NR5A2: variants seen among roughly 807,000 people sequenced by gnomAD.
NR5A2 encodes CYP7A promoter-binding factor.
A neutral mutation model predicts 62.7 loss-of-function variants in NR5A2; 26 were observed. The ratio of observed to expected loss-of-function variants is 0.41; its 90% CI spans 0.30 to 0.58. The LOEUF (loss-of-function observed/expected upper bound fraction) is 0.58. Ranked by LOEUF, NR5A2 falls within the 20% of genes least tolerant of loss-of-function variation. The pLI is 0.22. For synonymous variants in NR5A2, 246 were observed against 241.7 expected (o/e 1.02, Z -0.16); for missense variants, 541 against 669.1 (o/e 0.81, Z 2.11).
Position 200,048,741 on chromosome 1 carries a change from A to G in NR5A2, c.1033A>G (p.Met345Val), listed in dbSNP as rs748799801. 3.7e-6 allele frequency: 6 copies of G among 1,614,108 alleles called. No individual in the cohort carries two copies. The East Asian group carries it at 1.1e-4, about 30-fold the overall frequency. The change falls in exon 5 of 8, where the codon ATG becomes GTG. Residue 345 changes from methionine to valine, a missense_variant. By Grantham distance (21) the Met-to-Val change is conservative. Coordinates refer to ENST00000367362, the MANE Select transcript of NR5A2 (RefSeq NM_205860.3). The surrounding 1 kb of genome is among the most constrained non-coding windows in gnomAD (Gnocchi z 4.8). ...KHEKLSTFGL[M>V]CKMADQTLFS... ...CGAAAAGCTGAGCACCTTTGGGCTT[A>G]TGTGCAAAATGGCAGATCAAACTCT...
chr1:200,110,932 G>A (rs559220914), intron 5 of NR5A2, among the ~76,000 whole-genome samples: 18 of 152,200 alleles, frequency 1.2e-4, no homozygotes, highest in African/African-American at 4.1e-4. Context: ...CCAGTTTAAT[G>A]GAGTGCATTC....
At position 200,100,304 on chromosome 1, in the gene NR5A2, A is replaced by G. The variant is rs952744147; in HGVS notation, c.1111-10898A>G. On this transcript the variant is annotated intron_variant, in intron 5 of 7. Transcript: ENST00000367362. The stretch of plus-strand genomic sequence containing the variant: ...TATTTTCCTTCGTACTTCATTTAGC[A>G]TCTTTCATATTTTGCCTTTATTTAT... Among the ~76,000 whole-genome samples the G allele has an allele frequency of 4.0e-5, 6 of 150,584 alleles. No individual in the cohort carries two copies. The Admixed American group carries it at 4.1e-4, about 10-fold the overall frequency.
intron 7 of NR5A2, among the ~76,000 whole-genome samples, chr1:200,159,972 G>A (rs1468887670): frequency 6.6e-6 from 1 of 152,150 alleles, no homozygotes; most frequent in Admixed American, 6.5e-5. Context: ...TTTTTTAAGA[G>A]TGTTCTGCTG....
chr1:200,159,309 C>T (rs1052660143), intron 7 of NR5A2, among the ~76,000 whole-genome samples: 6 of 152,114 alleles, frequency 3.9e-5, no homozygotes, highest in Admixed American at 1.3e-4. Flanking sequence ...AATTGAGGCC[C>T]AGGGAATCAG....
intron 5 of NR5A2, among the ~76,000 whole-genome samples, chr1:200,071,149 T>G (rs1663722920): frequency 1.3e-5 from 2 of 152,208 alleles, no homozygotes; most frequent in African/African-American, 4.8e-5. Context: ...TAGGACTATT[T>G]TGATTAATGT....
intron 7 of NR5A2, among the ~76,000 whole-genome samples, chr1:200,129,227 ACT>A (rs140010775): frequency 1.3e-5 from 2 of 148,836 alleles, no homozygotes; most frequent in Non-Finnish European, 1.5e-5. Context: ...CACTTTTGAG[ACT>A]CTCTCTCTCT....
chr1:200,130,303 GAAGAAGAAGAAGAAGAAGA>G (rs1421369999), intron 7 of NR5A2, among the ~76,000 whole-genome samples: 201 of 12,752 alleles, frequency 0.016, 1 homozygote, highest in African/African-American at 0.021. Flanking sequence ...AGAAGAAGAA[GAAGAAGAAGAAGAAGAAGA>G]AAAAAAAAAT....
At chr1:200,094,474 C>A (rs953987313) in intron 5 of NR5A2, among the ~76,000 whole-genome samples, 2 of 150,548 alleles carry the variant, frequency 1.3e-5, no homozygotes, top group East Asian at 3.9e-4. Context: ...TGTGAGCCAC[C>A]ACGCCCAGCC....
chr1:200,075,940 T>G (rs547767412), intron 5 of NR5A2, among the ~76,000 whole-genome samples: 37 of 152,332 alleles, frequency 2.4e-4, no homozygotes, highest in African/African-American at 8.7e-4. Flanking sequence ...TATCATGTTT[T>G]GCTTAGAATT....
chr1:200,073,137 G>C (rs1663815845), intron 5 of NR5A2, among the ~76,000 whole-genome samples: 1 of 151,354 alleles, frequency 6.6e-6, no homozygotes, highest in Non-Finnish European at 1.5e-5. Flanking sequence ...GAAACTGGAA[G>C]AACTAGTGCA....
At chr1:200,111,108 C>T (rs1170646911) in intron 5 of NR5A2, 94 bp from the exon 6 acceptor site, 26 of 1,426,818 alleles carry the variant, frequency 1.8e-5, no homozygotes, top group Non-Finnish European at 2.3e-5. Flanking sequence ...ATATGTAGTC[C>T]TCTTATGTTG....
intron 6 of NR5A2, among the ~76,000 whole-genome samples, chr1:200,111,576 C>T (rs923514421): frequency 5.3e-5 from 8 of 152,118 alleles, no homozygotes; most frequent in Admixed American, 2.0e-4. Flanking sequence ...TACAAGGGTC[C>T]GAAGAACTGG....
chr1:200,150,799 A>T (rs1271467883), intron 7 of NR5A2, among the ~76,000 whole-genome samples: 2 of 152,162 alleles, frequency 1.3e-5, no homozygotes, highest in African/African-American at 4.8e-5. Context: ...GTCTCTAATC[A>T]CATAAGAAGA....
At position 200,086,411 on chromosome 1, in the gene NR5A2, C is replaced by A. The variant is rs546871507; in HGVS notation, c.1111-24791C>A. Reference sequence around the variant, plus strand: ...CTCTGCCTCCTGGGTTCAAGCTATTCTCCTGCCTCAGCTTCCCGAGTAGCT... The same window carrying A: ...CTCTGCCTCCTGGGTTCAAGCTATTATCCTGCCTCAGCTTCCCGAGTAGCT... On this transcript the variant is annotated intron_variant, in intron 5 of 7. Transcript: ENST00000367362. Among the ~76,000 whole-genome samples the A allele has an allele frequency of 3.3e-4, 50 of 152,180 alleles. No individual in the cohort carries two copies. The East Asian group carries it at 7.4e-3, about 22-fold the overall frequency.
chr1:200,158,924 G>A (rs1406665991), intron 7 of NR5A2, among the ~76,000 whole-genome samples: 1 of 150,554 alleles, frequency 6.6e-6, no homozygotes, highest in Non-Finnish European at 1.5e-5. Flanking sequence ...TCCTAATAGG[G>A]ACAGGGTCTC....
chr1:200,125,741 A>G (rs1229823581), intron 7 of NR5A2, among the ~76,000 whole-genome samples: 1 of 152,232 alleles, frequency 6.6e-6, no homozygotes, highest in Non-Finnish European at 1.5e-5. Context: ...GTCTCAGAAT[A>G]AACAGTATTG....
At chr1:200,036,916 C>G (rs1487060365) in intron 1 of NR5A2, among the ~76,000 whole-genome samples, 3 of 152,186 alleles carry the variant, frequency 2.0e-5, no homozygotes, top group Non-Finnish European at 4.4e-5. Context: ...CAAGCTCCTG[C>G]GTTAATTTTT....
At chr1:200,050,059 C>T (rs1432876397) in intron 5 of NR5A2, among the ~76,000 whole-genome samples, 1 of 152,112 alleles carries the variant, frequency 6.6e-6, no homozygotes. Flanking sequence ...TTTATTGCTA[C>T]GCTTAAAAAT....
At chr1:200,088,526 G>A (rs192831814) in intron 5 of NR5A2, among the ~76,000 whole-genome samples, 1 of 151,476 alleles carries the variant, frequency 6.6e-6, no homozygotes, top group Non-Finnish European at 1.5e-5. Context: ...CAAAGTGCTG[G>A]GATTACAGGC....
Sources: gnomAD v4.1 joint callset for allele counts (sites outside exome capture counted in the v4.1 genomes callset) on GRCh38, gnomAD v4.1.1 for gene constraint, Gnocchi (gnomAD v3.1) non-coding constraint, MANE v1.5 for transcripts, NCBI Gene and HGNC (gene_info 2026-07-23, HGNC 2026-07-21) for gene names.